Variants in RPS6KC1 observed in about 807,000 individuals in gnomAD.
RPS6KC1 encodes the protein inactive ribosomal protein S6 kinase delta-1.
In RPS6KC1, 54 loss-of-function variants were observed where a neutral mutation model predicts 103.8. The ratio of observed to expected loss-of-function variants is 0.52; its 90% confidence interval spans 0.42 to 0.65. The LOEUF is 0.65. Ranked by LOEUF, RPS6KC1 falls within the 30% of genes least tolerant of loss-of-function variation. The pLI, the probability that RPS6KC1 is intolerant of heterozygous loss-of-function variation, is 0.00. For missense variants in RPS6KC1, 1,151 were observed against 1,253.8 expected (o/e 0.92, Z 1.24); for synonymous variants, 439 against 438.7 (o/e 1.00, Z -0.01).
the RPS6KC1 span, among the ~76,000 whole-genome samples, chr1:213,343,867 T>A: frequency 6.6e-6 from 1 of 152,080 alleles, no homozygotes; most frequent in Admixed American, 6.5e-5. Context: ...AGAAAAATAA[T>A]CAGATTGCCA....
the RPS6KC1 span, among the ~76,000 whole-genome samples, chr1:213,432,514 A>T: frequency 6.6e-5 from 10 of 152,202 alleles, no homozygotes; most frequent in Admixed American, 2.0e-4. Flanking sequence ...TAAAGTGTAC[A>T]GTTGGATGTT....
chr1:213,778,374 G>T, the RPS6KC1 span, among the ~76,000 whole-genome samples: 1 of 152,024 alleles, frequency 6.6e-6, no homozygotes, highest in Admixed American at 6.6e-5. Flanking sequence ...GCCAGGTTTT[G>T]GTATATGTGG....
chr1:213,269,450 C>T (rs2094989172), intron 14 of RPS6KC1, among the ~76,000 whole-genome samples: 1 of 152,172 alleles, frequency 6.6e-6, no homozygotes, highest in Admixed American at 6.5e-5. Flanking sequence ...TAGAACACTT[C>T]ACCCAGTGAC....
chr1:213,092,848 A>G (rs1045851965), intron 3 of RPS6KC1, among the ~76,000 whole-genome samples: 8 of 152,160 alleles, frequency 5.3e-5, no homozygotes, highest in Non-Finnish European at 8.8e-5. Flanking sequence ...AGGGAGTGGT[A>G]GGAGGGATAT....
chr1:213,179,933 C>T (rs2092157462), intron 8 of RPS6KC1, among the ~76,000 whole-genome samples: 1 of 152,010 alleles, frequency 6.6e-6, no homozygotes, highest in East Asian at 1.9e-4. Context: ...AGAATGACAT[C>T]TACTGGTACA....
At chr1:213,626,252 C>A in the RPS6KC1 span, among the ~76,000 whole-genome samples, 1 of 152,098 alleles carries the variant, frequency 6.6e-6, no homozygotes, top group Admixed American at 6.5e-5. Flanking sequence ...CTCTTCATAT[C>A]CTTTGCCCAC....
the RPS6KC1 span, among the ~76,000 whole-genome samples, chr1:213,724,560 C>G: frequency 6.6e-6 from 1 of 152,140 alleles, no homozygotes; most frequent in African/African-American, 2.4e-5. Flanking sequence ...AGGCATTCAC[C>G]CGACAGCCTA....
the RPS6KC1 span, among the ~76,000 whole-genome samples, chr1:213,822,742 C>T: frequency 3.3e-5 from 5 of 152,288 alleles, no homozygotes; most frequent in African/African-American, 9.6e-5. Flanking sequence ...TCTCTTTCTC[C>T]AACATGTTAC....
chr1:213,535,694 C>T, the RPS6KC1 span, among the ~76,000 whole-genome samples: 1 of 152,126 alleles, frequency 6.6e-6, no homozygotes, highest in Admixed American at 6.5e-5. Flanking sequence ...ATTCTTAGAG[C>T]TGGCTTTCTC....
chr1:213,115,292 G>A (rs2148872285), intron 4 of RPS6KC1, among the ~76,000 whole-genome samples: 1 of 152,162 alleles, frequency 6.6e-6, no homozygotes, highest in Admixed American at 6.5e-5. Flanking sequence ...GAGAGTGTAT[G>A]TGTCGAGGAA....
At chr1:213,201,773 A>G (rs548072424) in intron 8 of RPS6KC1, among the ~76,000 whole-genome samples, 1 of 152,228 alleles carries the variant, frequency 6.6e-6, no homozygotes, top group African/African-American at 2.4e-5. Context: ...AGAAAAATCA[A>G]TACAGTCACT....
At chr1:213,470,326 T>A in the RPS6KC1 span, among the ~76,000 whole-genome samples, 18 of 152,314 alleles carry the variant, frequency 1.2e-4, no homozygotes, top group Non-Finnish European at 1.9e-4. Flanking sequence ...ATTCTTAATT[T>A]TTCTGCATGC....
chr1:213,597,177 CTTTTAGGT>C, the RPS6KC1 span, among the ~76,000 whole-genome samples: 1 of 152,280 alleles, frequency 6.6e-6, no homozygotes, highest in South Asian at 2.1e-4. Flanking sequence ...TCTTTCATTG[CTTTTAGGT>C]TTAAAGGGTT....
the RPS6KC1 span, among the ~76,000 whole-genome samples, chr1:213,596,934 T>A: frequency 6.6e-6 from 1 of 152,328 alleles, no homozygotes; most frequent in African/African-American, 2.4e-5. Context: ...AGGGTGGCCA[T>A]GTGGACGGAG....
At chr1:213,793,742 A>G in the RPS6KC1 span, among the ~76,000 whole-genome samples, 1 of 152,164 alleles carries the variant, frequency 6.6e-6, no homozygotes, top group Non-Finnish European at 1.5e-5. Context: ...TTTTAAAGTC[A>G]ATATCCCCCT....
chr1:213,337,992 A>C, the RPS6KC1 span, among the ~76,000 whole-genome samples: 3 of 152,124 alleles, frequency 2.0e-5, no homozygotes, highest in Admixed American at 6.5e-5. Context: ...GTGTGTCTGC[A>C]TGTGCATGTC....
At chr1:213,551,729 T>C in the RPS6KC1 span, among the ~76,000 whole-genome samples, 1 of 152,174 alleles carries the variant, frequency 6.6e-6, no homozygotes, top group African/African-American at 2.4e-5. Flanking sequence ...AAGTCCATCG[T>C]TTACGCCGGG....
the RPS6KC1 span, among the ~76,000 whole-genome samples, chr1:213,427,575 TATAA>T: frequency 6.6e-6 from 1 of 152,368 alleles, no homozygotes; most frequent in East Asian, 1.9e-4. Flanking sequence ...CTCTGGCTCC[TATAA>T]ATATTTATTT....
intron 10 of RPS6KC1, among the ~76,000 whole-genome samples, chr1:213,233,819 A>G (rs141257560): frequency 3.3e-5 from 5 of 152,272 alleles, no homozygotes; most frequent in African/African-American, 1.2e-4. Flanking sequence ...TCACATGACC[A>G]TAAAATTTGT....
Sources: allele counts gnomAD v4.1 joint callset (sites outside exome capture counted in the v4.1 genomes callset), GRCh38; gene constraint gnomAD v4.1.1; transcripts MANE v1.5; gene names NCBI Gene and HGNC (gene_info 2026-07-23, HGNC 2026-07-21).